The following GSG1L variants were observed in gnomAD, a reference collection of about 807,000 sequenced individuals.
The protein encoded by GSG1L is GSG1 like.
A neutral mutation model predicts 42.1 loss-of-function variants in GSG1L; 24 were observed. That is an observed-to-expected ratio of 0.57 (90% confidence interval 0.41 to 0.80). GSG1L has a LOEUF of 0.80. Among genes scored for constraint, GSG1L ranks in the 30% least tolerant of loss-of-function variants. The probability of loss-of-function intolerance (pLI) is 0.00; values close to 1 mark genes in which losing one functional copy is unlikely to be tolerated. For synonymous variants in GSG1L, 215 were observed against 203.5 expected, an observed-to-expected ratio of 1.06 and a Z score of -0.48; for missense variants, 445 against 472.2, an observed-to-expected ratio of 0.94 and a Z score of 0.53.
At chr16:27,883,381 G>T (rs202203263) in intron 3 of GSG1L, among the ~76,000 whole-genome samples, 1 of 152,170 alleles carries the variant, frequency 6.6e-6, no homozygotes, top group Non-Finnish European at 1.5e-5. Flanking sequence ...TTGTCTGTGT[G>T]TTGTGACAAT....
At chr16:28,025,489 G>C (rs1050384637) in intron 1 of GSG1L, among the ~76,000 whole-genome samples, 2 of 152,134 alleles carry the variant, frequency 1.3e-5, no homozygotes, top group Non-Finnish European at 1.5e-5. Context: ...CTCACTGCTG[G>C]ATCAATTTCA....
intron 5 of GSG1L, among the ~76,000 whole-genome samples, chr16:27,825,504 T>C (rs2083198964): frequency 1.3e-5 from 2 of 152,068 alleles, no homozygotes; most frequent in African/African-American, 2.4e-5. Context: ...AAGGCCCCCA[T>C]CTTTACTAAA....
At chr16:27,847,206 G>C (rs1438377442) in intron 3 of GSG1L, among the ~76,000 whole-genome samples, 1 of 152,204 alleles carries the variant, frequency 6.6e-6, no homozygotes, top group African/African-American at 2.4e-5. Context: ...GAAACCCACA[G>C]CTGTAAATCT....
Position 27,791,313 on chromosome 16 carries a change from C to T in GSG1L, c.*57G>A. 8.6e-7 allele frequency: 1 copy of T among 1,159,440 alleles called. No homozygotes were observed. Among genetic ancestry groups the T allele is most frequent in the Non-Finnish European group, 1.2e-6 (1 of 865,856 alleles). 71.8% of individuals were successfully genotyped at this position (1,159,440 alleles called of 1,614,324 possible). A position where few individuals can be genotyped will look rare whatever the true frequency, so the allele number is the denominator to read the frequency against. On this transcript the variant is annotated 3_prime_UTR_variant, in exon 7 of 7. Transcript: ENST00000447459. Reference sequence around the variant, plus strand: ...TGGGGGCACCACTCTGGTGGTCTTGCAGCAGGGGCTGGTGCCAGCGATGGC... The same window carrying T: ...TGGGGGCACCACTCTGGTGGTCTTGTAGCAGGGGCTGGTGCCAGCGATGGC...
At chr16:27,865,087 C>T (rs993537439) in intron 3 of GSG1L, among the ~76,000 whole-genome samples, 1 of 152,100 alleles carries the variant, frequency 6.6e-6, no homozygotes. Context: ...ACCAAGATGG[C>T]GCCAGTCCCA....
chr16:27,911,268 T>TTG (rs71955649), intron 2 of GSG1L, among the ~76,000 whole-genome samples: 3,435 of 111,624 alleles, frequency 0.031, 147 homozygotes, highest in African/African-American at 0.11. Context: ...TCTCTCTCGC[T>TTG]CTCTCTCTCT....
At chr16:27,949,925 AAAACAAACAAAC>A (rs541234298) in intron 2 of GSG1L, among the ~76,000 whole-genome samples, 26 of 152,280 alleles carry the variant, frequency 1.7e-4, no homozygotes, top group Admixed American at 1.3e-3. Context: ...ACTCCGTCTC[AAAACAAACAAAC>A]AAACAAACAA....
At position 27,869,115 on chromosome 16, in the gene GSG1L, G is replaced by GCA; in HGVS notation, c.550+15370_550+15371insTG. ...GGCCTCCCGTCCTCCCAGAGCTGGG[G>GCA]GTCTCCTGCATTGATGGGGCTCCTC... On this transcript the variant is annotated intron_variant, in intron 3 of 6. Coordinates refer to ENST00000447459, the MANE Select transcript of GSG1L (RefSeq NM_001109763.2). Among the ~76,000 whole-genome samples the GCA allele has an allele frequency of 9.1e-4, 135 of 147,826 alleles. 2 individuals carry two copies. Among genetic ancestry groups the GCA allele is most frequent in the African/African-American group, 3.5e-3 (131 of 37,312 alleles).
chr16:27,991,475 G>A (rs1267762536), intron 1 of GSG1L, among the ~76,000 whole-genome samples: 1 of 151,270 alleles, frequency 6.6e-6, no homozygotes, highest in East Asian at 2.0e-4. Flanking sequence ...GTGCAATCTC[G>A]GCTCACTGCA....
At chr16:27,799,244 A>T (rs189226521) in intron 6 of GSG1L, among the ~76,000 whole-genome samples, 420 of 152,204 alleles carry the variant, frequency 2.8e-3, no homozygotes, top group Non-Finnish European at 5.1e-3. Flanking sequence ...AAAAAAAAAA[A>T]AAAAATTAAC....
At chr16:27,836,488 G>A (rs1467488697) in intron 4 of GSG1L, among the ~76,000 whole-genome samples, 3 of 152,010 alleles carry the variant, frequency 2.0e-5, no homozygotes, top group African/African-American at 7.3e-5. Context: ...TGGGACTCCA[G>A]TGTTATATTT....
intron 5 of GSG1L, among the ~76,000 whole-genome samples, chr16:27,822,222 G>A (rs762672639): frequency 1.3e-4 from 20 of 152,268 alleles, no homozygotes; most frequent in Non-Finnish European, 2.2e-4. Context: ...GAAAATTGAA[G>A]CTCGGAGAGG....
chr16:27,909,967 T>G lies in GSG1L; in HGVS notation c.398-25329A>C, dbSNP rs184331302. Among the ~76,000 whole-genome samples the G allele has an allele frequency of 2.8e-3, 407 of 147,054 alleles. 9 individuals carry two copies. Among genetic ancestry groups the G allele is most frequent in the East Asian group, 0.027 (140 of 5,096 alleles). On this transcript the variant is annotated intron_variant, in intron 2 of 6. Transcript: ENST00000447459. The stretch of plus-strand genomic sequence containing the variant: ...GCATCTTTTCTTTCTTTTTTTTTTT[T>G]TTTTTTTGTTTAGACAGAGTCTTGC...
intron 1 of GSG1L, among the ~76,000 whole-genome samples, chr16:28,022,149 G>T (rs2085850731): frequency 6.6e-6 from 1 of 152,182 alleles, no homozygotes; most frequent in Non-Finnish European, 1.5e-5. Flanking sequence ...ATAACACCAG[G>T]ATAGTGGATA....
chr16:27,879,030 A>T (rs2083920702), intron 3 of GSG1L, among the ~76,000 whole-genome samples: 1 of 150,420 alleles, frequency 6.6e-6, no homozygotes, highest in South Asian at 2.1e-4. Context: ...ATTTGATCAG[A>T]TATCAAGGCT....
At chr16:27,856,969 T>C (rs1035109424) in intron 3 of GSG1L, among the ~76,000 whole-genome samples, 8 of 152,208 alleles carry the variant, frequency 5.3e-5, no homozygotes, top group Non-Finnish European at 8.8e-5. Context: ...CCAGTTCTCT[T>C]GGAAGTTCAA....
chr16:27,984,308 A>G (rs940492990), intron 1 of GSG1L, among the ~76,000 whole-genome samples: 1 of 152,158 alleles, frequency 6.6e-6, no homozygotes. Context: ...TCCAGCCAGG[A>G]GCCGAGAGAC....
At chr16:28,009,492 G>A (rs941534170) in intron 1 of GSG1L, among the ~76,000 whole-genome samples, 11 of 152,160 alleles carry the variant, frequency 7.2e-5, no homozygotes, top group Admixed American at 4.6e-4. Flanking sequence ...TCAGTTCCAC[G>A]AGGGCAGAGT....
chr16:27,842,141 G>A lies in GSG1L; in HGVS notation c.662+2809C>T, dbSNP rs539544718. Among the ~76,000 whole-genome samples the A allele has an allele frequency of 7.7e-5, 9 of 117,110 alleles. No individual in the cohort carries two copies. In the East Asian group the frequency reaches 9.2e-4, roughly 12 times the overall value. The allele number at this position is 117,110 out of a possible 152,430, so 76.8% of individuals were successfully genotyped here. On this transcript the variant is annotated intron_variant, in intron 4 of 6. Transcript: ENST00000447459. ...AATTTCACATCAGTAGCACGATGTCGCGCGTGCCGAATTTCACACCAGTAG... is the reference window on the plus strand; with the variant it reads ...AATTTCACATCAGTAGCACGATGTCACGCGTGCCGAATTTCACACCAGTAG...
Sources: allele counts gnomAD v4.1 joint callset (sites outside exome capture counted in the v4.1 genomes callset), GRCh38; gene constraint gnomAD v4.1.1; transcripts MANE v1.5; gene names NCBI Gene and HGNC (gene_info 2026-07-23, HGNC 2026-07-21).